The following CLIC5 variants were observed in gnomAD, a reference collection of about 807,000 sequenced individuals.
The protein encoded by CLIC5 is CLIC family member 5.
In CLIC5, 20 loss-of-function variants were observed where a neutral mutation model predicts 24.7. That is an observed-to-expected ratio of 0.81 (90% CI 0.57 to 1.18). The LOEUF (loss-of-function observed/expected upper bound fraction) is 1.18. Ranked by LOEUF, CLIC5 falls within the 50% of genes most tolerant of loss-of-function variation. CLIC5 has a pLI of 0.00. For missense variants in CLIC5, 341 were observed against 326.1 expected (o/e 1.05, Z -0.35); for synonymous variants, 159 against 135.6 (o/e 1.17, Z -1.20).
At chr6:46,103,231 T>G in the CLIC5 span, among the ~76,000 whole-genome samples, 21 of 152,272 alleles carry the variant, frequency 1.4e-4, no homozygotes, top group East Asian at 3.9e-3. Flanking sequence ...TATATAACCT[T>G]TCCTGTAGGC....
chr6:45,937,720 A>T (rs1261466646), intron 4 of CLIC5: 1 of 152,190 alleles, frequency 6.6e-6, no homozygotes, highest in Non-Finnish European at 1.5e-5. Context: ...TGAATCAGTG[A>T]ATGACTGAAT....
chr6:46,068,589 A>C lies in CLIC5; in HGVS notation c.540+11114T>G, dbSNP rs540109166. ...ATGTTATGGCCCGAATTGTATACAT[A>C]CCCCCCAAGTTTGTATGTTGAAATC... On this transcript the variant is annotated intron_variant, in intron 1 of 5. Transcript: ENST00000185206. Among the ~76,000 whole-genome samples the C allele has an allele frequency of 1.4e-4, 21 of 152,034 alleles. No individual in the cohort carries two copies. In the South Asian group the frequency reaches 3.1e-3, roughly 23 times the overall value.
At chr6:45,922,177 G>A (rs1303632309) in intron 4 of CLIC5, among the ~76,000 whole-genome samples, 1 of 152,188 alleles carries the variant, frequency 6.6e-6, no homozygotes, top group African/African-American at 2.4e-5. Flanking sequence ...TCAGAGGGGA[G>A]GATGAATTAA....
chr6:45,933,174 C>A (rs1176527630), intron 4 of CLIC5, among the ~76,000 whole-genome samples: 1 of 152,164 alleles, frequency 6.6e-6, no homozygotes. Context: ...GAAACAGAAC[C>A]AAGACTGCTC....
chr6:46,036,455 C>T (rs568573048), intron 1 of CLIC5, among the ~76,000 whole-genome samples: 3 of 151,666 alleles, frequency 2.0e-5, no homozygotes, highest in African/African-American at 7.3e-5. Context: ...GGACTACAGG[C>T]GCCTGCCACC....
chr6:46,041,086 A>T (rs778848134), intron 1 of CLIC5, among the ~76,000 whole-genome samples: 1 of 152,246 alleles, frequency 6.6e-6, no homozygotes, highest in African/African-American at 2.4e-5. Context: ...GTGGAATAAT[A>T]TTATGTAGCT....
intron 1 of CLIC5, among the ~76,000 whole-genome samples, chr6:46,044,406 G>A (rs921126792): frequency 1.9e-4 from 29 of 152,126 alleles, no homozygotes; most frequent in Admixed American, 1.3e-4. Flanking sequence ...GGAGGGAAAT[G>A]GTGGCTTTGG....
At chr6:45,972,783 T>A (rs1765244865) in intron 1 of CLIC5, among the ~76,000 whole-genome samples, 1 of 152,226 alleles carries the variant, frequency 6.6e-6, no homozygotes, top group African/African-American at 2.4e-5. Flanking sequence ...TCGGAAGACC[T>A]TTAAAACCGA....
At chr6:46,116,014 A>G in the CLIC5 span, among the ~76,000 whole-genome samples, 1 of 152,216 alleles carries the variant, frequency 6.6e-6, no homozygotes, top group Non-Finnish European at 1.5e-5. Flanking sequence ...CCTCCTCTAT[A>G]AATTACCTAT....
intron 1 of CLIC5, among the ~76,000 whole-genome samples, chr6:46,066,947 G>C (rs370134145): frequency 6.6e-6 from 1 of 152,094 alleles, no homozygotes; most frequent in African/African-American, 2.4e-5. Flanking sequence ...CCTGGGACAC[G>C]GTGAGTGAGG....
intron 1 of CLIC5, among the ~76,000 whole-genome samples, chr6:46,033,283 G>A (rs532511849): frequency 1.4e-4 from 21 of 150,944 alleles, no homozygotes; most frequent in Admixed American, 2.6e-4. Context: ...CACCACACCC[G>A]GCCAAATCTA....
chr6:46,019,662 C>T (rs1767118723), upstream of CLIC5, among the ~76,000 whole-genome samples: 2 of 136,416 alleles, frequency 1.5e-5, no homozygotes, highest in Admixed American at 7.8e-5. Flanking sequence ...GTCCGCAGTC[C>T]GGCCTGGGCG....
intron 1 of CLIC5, among the ~76,000 whole-genome samples, chr6:45,987,200 C>A (rs1423225947): frequency 6.6e-6 from 1 of 152,218 alleles, no homozygotes; most frequent in Non-Finnish European, 1.5e-5. Context: ...TTATTAACAT[C>A]ACTTCTCACT....
chr6:45,955,294 G>A, intron 1 of CLIC5, 50 bp from the exon 2 acceptor site: 1 of 1,358,080 alleles, frequency 7.4e-7, no homozygotes, highest in East Asian at 2.3e-5. Context: ...AATTAGCAAG[G>A]GGAACATAAG....
downstream of CLIC5, among the ~76,000 whole-genome samples, chr6:45,894,673 T>C (rs1225884825): frequency 6.6e-6 from 1 of 152,072 alleles, no homozygotes; most frequent in East Asian, 1.9e-4. Context: ...CTTGACAGAG[T>C]CTTAGTAGCA....
chr6:45,896,565 G>A (rs1204148726), downstream of CLIC5, among the ~76,000 whole-genome samples: 5 of 152,124 alleles, frequency 3.3e-5, no homozygotes, highest in Admixed American at 1.3e-4. Flanking sequence ...AAACTTACTG[G>A]GGGCTCTGGG....
rs540367779 is a variant in CLIC5 at position 46,009,386 on chromosome 6, C to T, written c.63+6094G>A. Among the ~76,000 whole-genome samples the T allele has an allele frequency of 7.9e-5, 12 of 152,190 alleles. No homozygotes were observed. In the South Asian group the frequency reaches 2.5e-3, roughly 32 times the overall value. On this transcript the variant is annotated intron_variant, in intron 1 of 5. Coordinates refer to ENST00000339561, the MANE Select transcript of CLIC5 (RefSeq NM_016929.5). Reference sequence around the variant, plus strand: ...CCAAAGCAGGTTGTCATTTAGCGAACTGGAAGAGAAATGTCCCTGACTGTG... The same window carrying T: ...CCAAAGCAGGTTGTCATTTAGCGAATTGGAAGAGAAATGTCCCTGACTGTG...
intron 1 of CLIC5, among the ~76,000 whole-genome samples, chr6:46,056,319 G>T (rs564084031): frequency 1.3e-5 from 2 of 152,086 alleles, no homozygotes; most frequent in African/African-American, 4.8e-5. Context: ...GCTCAGAATT[G>T]GGAAAAAGTT....
chr6:45,893,303 A>G (rs958915694), intron 6 of CLIC5, among the ~76,000 whole-genome samples: 1 of 151,796 alleles, frequency 6.6e-6, no homozygotes, highest in Non-Finnish European at 1.5e-5. Flanking sequence ...CGTGTGATAC[A>G]TAAGAATGTG....
Sources: gnomAD v4.1 joint callset for allele counts (sites outside exome capture counted in the v4.1 genomes callset) on GRCh38, gnomAD v4.1.1 for gene constraint, MANE v1.5 for transcripts, NCBI Gene and HGNC (gene_info 2026-07-23, HGNC 2026-07-21) for gene names.